Variants in SYCP2L observed in about 807,000 individuals in gnomAD.
SYCP2L encodes the protein synaptonemal complex protein 2-like.
SYCP2L carries 98 observed loss-of-function variants against 125.8 expected under a neutral mutation model. The ratio of observed to expected loss-of-function variants is 0.78; its 90% CI spans 0.66 to 0.92. The LOEUF (loss-of-function observed/expected upper bound fraction) is 0.92, where lower values mean the gene tolerates loss of function less well. SYCP2L is among the 40% of genes least tolerant of loss of function. The pLI is 0.00. For missense variants in SYCP2L, 842 were observed against 936.4 expected (o/e 0.90, Z 1.32); for synonymous variants, 317 against 325.4 (o/e 0.97, Z 0.28).
At position 10,950,161 on chromosome 6, in the gene SYCP2L, A is replaced by T. The variant is rs562097102; in HGVS notation, c.1955-4955A>T. Among the ~76,000 whole-genome samples, 6 of 152,288 alleles carry T rather than the reference A, an allele frequency of 3.9e-5. No individual in the cohort carries two copies. In the South Asian group the frequency reaches 1.2e-3, roughly 32 times the overall value. ...AGTTTCCAAACATATGGGTTATTTT[A>T]AAGCTGTCCTTTCATTACCTTTTGC... On this transcript the variant is annotated intron_variant, in intron 23 of 29. Transcript: ENST00000283141.
intron 8 of SYCP2L, among the ~76,000 whole-genome samples, chr6:10,905,318 G>A (rs1780469294): frequency 6.6e-6 from 1 of 150,792 alleles, no homozygotes; most frequent in Non-Finnish European, 1.5e-5. Context: ...TTGAGTCGGA[G>A]TTTCACTCTT....
chr6:10,907,898 T>TTTTTTTTTTTTTTTTTTG (rs1780528546), intron 10 of SYCP2L, among the ~76,000 whole-genome samples: 1 of 128,720 alleles, frequency 7.8e-6, no homozygotes, highest in Non-Finnish European at 1.6e-5. Context: ...ATAGGTTTTT[T>TTTTTTTTTTTTTTTTTTG]TTTTTTTTTT....
chr6:10,953,361 C>A (rs1781444557), intron 23 of SYCP2L, among the ~76,000 whole-genome samples: 2 of 151,998 alleles, frequency 1.3e-5, no homozygotes, highest in Admixed American at 6.5e-5. Context: ...AAGGCAGTTT[C>A]TTTTCCTTAC....
chr6:10,928,209 TTGTGATACCCTTGTG>T (rs897228947), intron 17 of SYCP2L, among the ~76,000 whole-genome samples, 179 bp from the exon 18 acceptor site: 1 of 151,722 alleles, frequency 6.6e-6, no homozygotes, highest in Non-Finnish European at 1.5e-5. Flanking sequence ...CACAAGGGTA[TTGTGATACCCTTGTG>T]ATACAAGGGT....
In SYCP2L at chr6:10,931,503, A is replaced by G. The variant is rs748642737; in HGVS notation, c.1683+14A>G. ...GAGAAAGACCAAGTAAGTACATTGT[A>G]TCTGGGTTGCTGTGTGCCCTGTGAG... On this transcript the variant is annotated intron_variant, in intron 20 of 29. Coordinates refer to ENST00000283141, the MANE Select transcript of SYCP2L (RefSeq NM_001040274.3). 14 of 1,613,392 alleles carry G rather than the reference A, an allele frequency of 8.7e-6. No individual in the cohort carries two copies. In the South Asian group the frequency reaches 1.4e-4, roughly 16 times the overall value.
intron 29 of SYCP2L, among the ~76,000 whole-genome samples, chr6:10,967,454 G>GGGGGGTGTGTGTGTGTGT (rs56098075): frequency 7.2e-6 from 1 of 138,838 alleles, no homozygotes; most frequent in Non-Finnish European, 1.6e-5. Flanking sequence ...TGGGGTAGAG[G>GGGGGGTGTGTGTGTGTGT]GTGTGTGTGT....
rs998273215 is a variant in SYCP2L, at chr6:10,954,009, A to T, written c.1955-1107A>T. Among the ~76,000 whole-genome samples the T allele has an allele frequency of 2.6e-5, 4 of 152,224 alleles. No individual in the cohort carries two copies. Among genetic ancestry groups the T allele is most frequent in the African/African-American group, 9.6e-5 (4 of 41,470 alleles). ...GGAACTACAAGGAGACCAGGATATC[A>T]GGAGCAGAGTGGAGGAAGGGTCACT... On this transcript the variant is annotated intron_variant, in intron 23 of 29. Transcript: ENST00000283141. This position sits in a 1 kb window ranked among gnomAD's most constrained non-coding sequence, Gnocchi z 4.8.
At chr6:10,947,650 T>C (rs1178630867) in intron 23 of SYCP2L, among the ~76,000 whole-genome samples, 1 of 152,134 alleles carries the variant, frequency 6.6e-6, no homozygotes, top group Non-Finnish European at 1.5e-5. Context: ...ATTTATCTGT[T>C]GATTCTCTTA....
At chr6:10,945,335 C>T (rs1172060588) in intron 23 of SYCP2L, among the ~76,000 whole-genome samples, 14 of 152,132 alleles carry the variant, frequency 9.2e-5, no homozygotes, top group Non-Finnish European at 1.3e-4. Flanking sequence ...ATCTTACATT[C>T]TTACTGTTTT....
rs34273350 is a variant in SYCP2L, at chr6:10,889,616, C to CTT, written c.10-1877_10-1876dup. On this transcript the variant is annotated intron_variant, in intron 1 of 29. Transcript: ENST00000283141. ...TTCTCTCTACTTCTATGAGATCAGC[C>CTT]TTTTTTTTTTTTTTTTTTTTTGAGA... Among the ~76,000 whole-genome samples the CTT allele has an allele frequency of 1.5e-3, 150 of 101,400 alleles. 2 individuals carry two copies. Among genetic ancestry groups the CTT allele is most frequent in the African/African-American group, 4.0e-3 (87 of 21,556 alleles). The allele number at this position is 101,400 out of a possible 152,430, so 66.5% of individuals were successfully genotyped here.
In SYCP2L at chr6:10,891,603, T is replaced by C; in HGVS notation, c.78+22T>C. ...CTGGGTAAAGATCAAGTTTCTTTTA[T>C]AATCTCTCTCTGTGTGTGTGTGTGT... On this transcript the variant is annotated intron_variant, in intron 2 of 29. Coordinates refer to ENST00000283141, the MANE Select transcript of SYCP2L (RefSeq NM_001040274.3). 3.2e-6 allele frequency: 4 copies of C among 1,254,368 alleles called. 1 individual carries two copies. Among genetic ancestry groups the C allele is most frequent in the South Asian group, 2.7e-5 (2 of 75,234 alleles). 77.7% of individuals were successfully genotyped at this position (1,254,368 alleles called of 1,614,324 possible).
At position 10,971,909 on chromosome 6, in the gene SYCP2L, C is replaced by T. The variant is rs551421689; in HGVS notation, c.*38-2043C>T. 2.0e-5 allele frequency among the ~76,000 whole-genome samples: 3 copies of T among 152,258 alleles called. No individual in the cohort carries two copies. In the East Asian group the frequency reaches 5.8e-4, roughly 29 times the overall value. Reference sequence around the variant, plus strand: ...CAGGCTGGTCTTGAACTACTCACTTCAGGTGATCCACCCACTTTGGCCTCC... The same window carrying T: ...CAGGCTGGTCTTGAACTACTCACTTTAGGTGATCCACCCACTTTGGCCTCC... On this transcript the variant is annotated intron_variant, in intron 29 of 29. Coordinates refer to ENST00000283141, the MANE Select transcript of SYCP2L (RefSeq NM_001040274.3).
chr6:10,965,776 C>A (rs139321262), intron 29 of SYCP2L, among the ~76,000 whole-genome samples: 122 of 152,224 alleles, frequency 8.0e-4, no homozygotes, highest in African/African-American at 2.7e-3. Flanking sequence ...TGTCAAAATG[C>A]AACAAAAATT....
chr6:10,961,674 A>G (rs930131912), intron 28 of SYCP2L, 116 bp downstream of exon 28: 1 of 1,054,714 alleles, frequency 9.5e-7, no homozygotes, highest in Admixed American at 2.0e-5. Context: ...AAATAGCTGC[A>G]TCTTTTGAAC....
At chr6:10,963,961 AT>A (rs149829365) in intron 29 of SYCP2L, 118 bp downstream of exon 29, 64,251 of 471,740 alleles carry the variant, frequency 0.14, 11 homozygotes, top group Non-Finnish European at 0.16. Context: ...GAACTTCTCC[AT>A]TTTTTTTTTT....
intron 14 of SYCP2L, among the ~76,000 whole-genome samples, chr6:10,923,489 A>G (rs1225761): frequency 0.98 from 145,798 of 148,168 alleles, 71,758 homozygotes; most frequent in East Asian, 1. Flanking sequence ...GGGTTCAAGC[A>G]ATTCTCCTGC....
chr6:10,958,714 C>T, intron 25 of SYCP2L, 70 bp from the exon 26 acceptor site: 2 of 1,391,280 alleles, frequency 1.4e-6, no homozygotes, highest in Non-Finnish European at 1.0e-6. Context: ...ATCTTTTTAA[C>T]ACAAAGCATG....
intron 8 of SYCP2L, among the ~76,000 whole-genome samples, chr6:10,903,631 G>A (rs1309512412): frequency 6.6e-6 from 1 of 151,992 alleles, no homozygotes; most frequent in Non-Finnish European, 1.5e-5. Context: ...CACACCTATA[G>A]TCCCAGCTAT....
chr6:10,965,344 T>G (rs544538415), intron 29 of SYCP2L, among the ~76,000 whole-genome samples: 20 of 152,320 alleles, frequency 1.3e-4, no homozygotes, highest in Admixed American at 1.2e-3. Context: ...GAAGTCAGTC[T>G]TCTAGGTTTT....
Sources: gnomAD v4.1 joint callset for allele counts (sites outside exome capture counted in the v4.1 genomes callset) on GRCh38, gnomAD v4.1.1 for gene constraint, Gnocchi (gnomAD v3.1) non-coding constraint, MANE v1.5 for transcripts, NCBI Gene and HGNC (gene_info 2026-07-23, HGNC 2026-07-21) for gene names.